TRIO: variants seen among roughly 807,000 people sequenced by gnomAD.
The protein encoded by TRIO is triple functional domain protein.
TRIO carries 58 observed loss-of-function variants against 351.9 expected under a neutral mutation model. The observed-to-expected ratio is 0.16, with a 90% CI of 0.13 to 0.21. TRIO has a LOEUF of 0.21. Among genes scored for constraint, TRIO ranks in the 10% least tolerant of loss-of-function variants. The probability of loss-of-function intolerance (pLI) is 1.00; values close to 1 mark genes in which losing one functional copy is unlikely to be tolerated. For missense variants in TRIO, 3,201 were observed against 4,027.8 expected (o/e 0.79, Z 5.56); for synonymous variants, 1,758 against 1,595.7 (o/e 1.10, Z -2.42).
chr5:14,324,284 ATTC>A (rs1214166210), intron 9 of TRIO, among the ~76,000 whole-genome samples: 4 of 152,198 alleles, frequency 2.6e-5, no homozygotes, highest in Non-Finnish European at 5.9e-5. Context: ...TGTTTCATGT[ATTC>A]TTTAAATGGA....
intron 2 of TRIO, among the ~76,000 whole-genome samples, chr5:14,274,066 C>A (rs1330872577): frequency 6.6e-6 from 1 of 152,094 alleles, no homozygotes; most frequent in Non-Finnish European, 1.5e-5. Context: ...TTATAAAAAA[C>A]CGCTGCAATA....
intron 34 of TRIO, among the ~76,000 whole-genome samples, chr5:14,441,714 G>T (rs1047424388): frequency 1.3e-5 from 2 of 152,142 alleles, no homozygotes; most frequent in African/African-American, 4.8e-5. Context: ...ATTTTAGTTG[G>T]CTTTATGTCT....
intron 41 of TRIO, among the ~76,000 whole-genome samples, chr5:14,477,541 A>G (rs1204040081): frequency 6.6e-6 from 1 of 152,242 alleles, no homozygotes; most frequent in Admixed American, 6.5e-5. Context: ...ACATATAGTT[A>G]GAAAAGGATG....
intron 34 of TRIO, among the ~76,000 whole-genome samples, chr5:14,434,330 G>A (rs548150136): frequency 3.9e-5 from 6 of 151,956 alleles, no homozygotes; most frequent in African/African-American, 7.2e-5. Context: ...CATTTTTTTC[G>A]ATAATCATAA....
At chr5:14,462,270 C>T (rs1048563772) in intron 35 of TRIO, among the ~76,000 whole-genome samples, 2 of 152,150 alleles carry the variant, frequency 1.3e-5, no homozygotes, top group African/African-American at 4.8e-5. Flanking sequence ...AAAACTAAAA[C>T]TGAAATTTGT....
chr5:14,287,396 A>G (rs1312559828), intron 4 of TRIO, among the ~76,000 whole-genome samples: 1 of 152,210 alleles, frequency 6.6e-6, no homozygotes, highest in Non-Finnish European at 1.5e-5. Flanking sequence ...GGCTTTGCAC[A>G]GTTACAGATT....
intron 2 of TRIO, among the ~76,000 whole-genome samples, chr5:14,272,573 C>T (rs1426585825): frequency 2.0e-5 from 3 of 152,070 alleles, no homozygotes; most frequent in Non-Finnish European, 4.4e-5. Context: ...TTAATAAATA[C>T]TTAAATTCTG....
intron 10 of TRIO, among the ~76,000 whole-genome samples, chr5:14,335,757 G>C (rs1188968279): frequency 6.6e-6 from 1 of 152,154 alleles, no homozygotes; most frequent in Non-Finnish European, 1.5e-5. Context: ...CTGAGCCCAG[G>C]AGTTCGAGAC....
chr5:14,162,061 G>T (rs1340364876), intron 1 of TRIO, among the ~76,000 whole-genome samples: 7 of 152,232 alleles, frequency 4.6e-5, no homozygotes, highest in African/African-American at 1.7e-4. Flanking sequence ...AGGAACCACC[G>T]AGTTATGCCA....
chr5:14,403,200 TTGTGGTGAGGGTGC>T (rs1250047614), intron 31 of TRIO, among the ~76,000 whole-genome samples: 15 of 115,814 alleles, frequency 1.3e-4, no homozygotes, highest in African/African-American at 4.1e-4. Context: ...AGGGTGCAGG[TTGTGGTGAGGGTGC>T]AGGTTGTGGT....
chr5:14,250,841 G>A (rs1207881955), intron 1 of TRIO, among the ~76,000 whole-genome samples: 4 of 152,140 alleles, frequency 2.6e-5, no homozygotes, highest in Admixed American at 2.6e-4. Context: ...ATTTGCTCAG[G>A]TGAATTAAAC....
intron 1 of TRIO, among the ~76,000 whole-genome samples, chr5:14,188,645 A>T (rs1436055754): frequency 6.6e-6 from 1 of 152,202 alleles, no homozygotes; most frequent in Non-Finnish European, 1.5e-5. Context: ...GTTGCTGATA[A>T]CCTTACAAAT....
chr5:14,459,172 G>A lies in TRIO; in HGVS notation c.5204-1847G>A, dbSNP rs548238184. On this transcript the variant is annotated intron_variant, in intron 34 of 56. Transcript: ENST00000344204. ...CTGTGTCTTGGGCGAAGGAAGGAACGGGACAGCAGTGAGACGGGCGTGTGC... is the reference window on the plus strand; with the variant it reads ...CTGTGTCTTGGGCGAAGGAAGGAACAGGACAGCAGTGAGACGGGCGTGTGC... Among the ~76,000 whole-genome samples the A allele has an allele frequency of 9.2e-5, 14 of 152,290 alleles. 1 individual carries two copies. Among genetic ancestry groups the A allele is most frequent in the South Asian group, 2.1e-4 (1 of 4,822 alleles).
chr5:14,408,564 T>C (rs957352464), intron 33 of TRIO, among the ~76,000 whole-genome samples: 1 of 152,152 alleles, frequency 6.6e-6, no homozygotes, highest in African/African-American at 2.4e-5. Flanking sequence ...CCTATGGCCA[T>C]TGAGGTTAAA....
At chr5:14,337,770 C>G (rs1359657908) in intron 11 of TRIO, among the ~76,000 whole-genome samples, 3 of 152,140 alleles carry the variant, frequency 2.0e-5, no homozygotes, top group Non-Finnish European at 4.4e-5. Flanking sequence ...AATGTTTGGA[C>G]TGCAGGCTTC....
At chr5:14,472,165 TTG>T (rs1176859748) in intron 38 of TRIO, among the ~76,000 whole-genome samples, 15 of 152,266 alleles carry the variant, frequency 9.9e-5, no homozygotes, top group Admixed American at 2.6e-4. Context: ...ACAGAAATAC[TTG>T]TGAGTGATGT....
At chr5:14,390,852 C>A in intron 26 of TRIO, 49 bp from the exon 27 acceptor site, 1 of 1,484,998 alleles carries the variant, frequency 6.7e-7, no homozygotes, top group Non-Finnish European at 9.1e-7. Context: ...GTTTATCATG[C>A]GTTGACTTGT....
intron 13 of TRIO, among the ~76,000 whole-genome samples, chr5:14,363,145 C>T (rs1490440953): frequency 6.6e-6 from 1 of 151,992 alleles, no homozygotes; most frequent in Non-Finnish European, 1.5e-5. Context: ...ACTACAGGCA[C>T]ATGCCACCAC....
At chr5:14,442,780 A>G (rs1049529584) in intron 34 of TRIO, among the ~76,000 whole-genome samples, 2 of 152,172 alleles carry the variant, frequency 1.3e-5, no homozygotes, top group African/African-American at 2.4e-5. Context: ...GTGCAGTGCA[A>G]AGAACAACTG....
Sources: allele counts gnomAD v4.1 joint callset (sites outside exome capture counted in the v4.1 genomes callset), GRCh38; gene constraint gnomAD v4.1.1; transcripts MANE v1.5; gene names NCBI Gene and HGNC (gene_info 2026-07-23, HGNC 2026-07-21).